Variants in ABCA12 observed in about 807,000 individuals in gnomAD.
ABCA12 encodes the protein ATP binding cassette subfamily A member 12, also known as glucosylceramide transporter ABCA12.
A neutral mutation model predicts 293.5 loss-of-function variants in ABCA12; 156 were observed. That is an observed-to-expected ratio of 0.53 (90% CI 0.47 to 0.61). ABCA12 has a LOEUF of 0.61. Ranked by LOEUF, ABCA12 falls within the 20% of genes least tolerant of loss-of-function variation. The probability of loss-of-function intolerance (pLI) is 0.00; values close to 1 mark genes in which losing one functional copy is unlikely to be tolerated. For missense variants in ABCA12, 2,797 were observed against 3,090.2 expected, an observed-to-expected ratio of 0.91 and a Z score of 2.25; for synonymous variants, 1,063 against 1,108.0, an observed-to-expected ratio of 0.96 and a Z score of 0.81.
chr2:215,011,332 C>A, intron 17 of ABCA12, 107 bp downstream of exon 17: 1 of 854,884 alleles, frequency 1.2e-6, no homozygotes, highest in Non-Finnish European at 1.9e-6. Context: ...TATTTTTATT[C>A]TTGGGGAAAA....
At chr2:215,031,775 T>A in intron 9 of ABCA12, 46 bp downstream of exon 9, 2 of 1,611,744 alleles carry the variant, frequency 1.2e-6, no homozygotes, top group Non-Finnish European at 1.7e-6. Context: ...TTTGATTGTT[T>A]ATTCAGCCAA....
intron 5 of ABCA12, among the ~76,000 whole-genome samples, chr2:215,051,560 T>A (rs1277799047): frequency 6.6e-6 from 1 of 151,018 alleles, no homozygotes; most frequent in African/African-American, 2.4e-5. Flanking sequence ...CATGATCAGA[T>A]AAAAGAAATG....
chr2:215,011,690 C>CAA, intron 16 of ABCA12, 41 bp from the exon 17 acceptor site: 3 of 1,579,490 alleles, frequency 1.9e-6, no homozygotes, highest in Non-Finnish European at 2.6e-6. Context: ...ACTATATGAG[C>CAA]TTTAGAAGCT....
chr2:214,959,604 T>C (rs1489440846), intron 39 of ABCA12, among the ~76,000 whole-genome samples: 1 of 152,138 alleles, frequency 6.6e-6, no homozygotes, highest in Non-Finnish European at 1.5e-5. Context: ...TCTAAGATGC[T>C]TATTTTTCTA....
chr2:215,081,470 C>T (rs1701935526), intron 2 of ABCA12, among the ~76,000 whole-genome samples: 1 of 84,546 alleles, frequency 1.2e-5, no homozygotes, highest in African/African-American at 4.6e-5. Context: ...CAAAGCAAGA[C>T]TCTGTCTCAA....
intron 13 of ABCA12, 123 bp from the exon 14 acceptor site, chr2:215,018,255 T>A (rs904777074): frequency 1.2e-5 from 15 of 1,273,744 alleles, no homozygotes; most frequent in Non-Finnish European, 1.6e-5. Flanking sequence ...GGCAGATGTC[T>A]CCCAGTTTTG....
chr2:215,138,094 G>A, intron 1 of ABCA12, 46 bp downstream of exon 1: 1 of 1,540,342 alleles, frequency 6.5e-7, no homozygotes, highest in Non-Finnish European at 9.0e-7. Context: ...GGATTACCTG[G>A]CGTATTGCCC....
chr2:215,080,197 A>G (rs1477059357), intron 2 of ABCA12, among the ~76,000 whole-genome samples: 1 of 152,180 alleles, frequency 6.6e-6, no homozygotes, highest in East Asian at 1.9e-4. Context: ...ATATACAGTG[A>G]TGAATTCCCT....
At chr2:215,003,961 C>T (rs530018751) in intron 20 of ABCA12, among the ~76,000 whole-genome samples, 1 of 152,306 alleles carries the variant, frequency 6.6e-6, no homozygotes, top group South Asian at 2.1e-4. Context: ...AGCCACCACG[C>T]CTGGCCTACA....
intron 2 of ABCA12, among the ~76,000 whole-genome samples, chr2:215,102,930 T>G (rs1279018755): frequency 2.6e-5 from 4 of 152,314 alleles, no homozygotes; most frequent in Non-Finnish European, 5.9e-5. Context: ...TCATAAGGTT[T>G]TGTATTAATT....
chr2:215,047,023 AT>A (rs1701216959), intron 6 of ABCA12, among the ~76,000 whole-genome samples: 1 of 152,306 alleles, frequency 6.6e-6, no homozygotes, highest in African/African-American at 2.4e-5. Context: ...GAGCTGAACA[AT>A]GAGAACACAT....
In ABCA12 at chr2:215,043,572, TTTGTTG is replaced by T. The variant is rs138336317; in HGVS notation, c.872+2259_872+2264del. Among the ~76,000 whole-genome samples the T allele has an allele frequency of 9.2e-5, 14 of 151,668 alleles. 1 individual carries two copies. The East Asian group carries it at 2.5e-3, about 27-fold the overall frequency. Reference sequence around the variant, plus strand: ...TTAGTAAATATTATTTTGTGGAATTTTTGTTGTTGTTGTTGTTGTTGTTGATTTTTT... The same window carrying T: ...TTAGTAAATATTATTTTGTGGAATTTTTGTTGTTGTTGTTGTTGATTTTTT... On this transcript the variant is annotated intron_variant, in intron 7 of 52. Coordinates refer to ENST00000272895, the MANE Select transcript of ABCA12 (RefSeq NM_173076.3).
chr2:215,075,774 C>A (rs186659137), intron 2 of ABCA12: 8 of 511,500 alleles, frequency 1.6e-5, no homozygotes, highest in East Asian at 6.6e-5. Flanking sequence ...TAACAACTAT[C>A]TTTTCACTTG....
chr2:214,941,360 T>C (rs1698395276), intron 50 of ABCA12, among the ~76,000 whole-genome samples: 1 of 152,164 alleles, frequency 6.6e-6, no homozygotes, highest in Non-Finnish European at 1.5e-5. Flanking sequence ...TTAAGGAGTG[T>C]TTTACTTCCA....
rs1193605029 is a variant in ABCA12, at chr2:214,978,946, A to G, written c.4835T>C (p.Ile1612Thr). The G allele has an allele frequency of 4.3e-6, 7 of 1,614,082 alleles. No homozygotes were observed. In the South Asian group the frequency reaches 5.5e-5, roughly 13 times the overall value. The change falls in exon 32 of 53, where the codon ATT becomes ACT. Residue 1612 changes from isoleucine to threonine, a missense_variant. Physicochemically the swap from Ile to Thr is moderately conservative, Grantham distance 89. Coordinates refer to ENST00000272895, the MANE Select transcript of ABCA12 (RefSeq NM_173076.3). ...AAGTACATAAACAAGCTCTCCCCCA[A>G]TATCCTCCTTGAGGTAGGCTTCGGG... The part of the protein sequence containing the change: ...HLPEAYLKED[I>T]GGELVYVLPP...
At position 215,081,498 on chromosome 2, in the gene ABCA12, A is replaced by AGAAT; in HGVS notation, c.164-17280_164-17279insATTC. Among the ~76,000 whole-genome samples the AGAAT allele has an allele frequency of 1.5e-5, 2 of 136,008 alleles. 1 individual carries two copies. Among genetic ancestry groups the AGAAT allele is most frequent in the South Asian group, 4.7e-4 (2 of 4,296 alleles). 89.2% of individuals were successfully genotyped at this position (136,008 alleles called of 152,430 possible). A position where few individuals can be genotyped will look rare whatever the true frequency, so the allele number is the denominator to read the frequency against. The stretch of plus-strand genomic sequence containing the variant: ...TGTCTCAAAAAAAAAAAAAAGAAAA[A>AGAAT]GAAAAAAGAAAAAGAAAAAAGAAAA... On this transcript the variant is annotated intron_variant, in intron 2 of 52. Coordinates refer to ENST00000272895, the MANE Select transcript of ABCA12 (RefSeq NM_173076.3).
chr2:215,001,838 A>G (rs946902387), intron 20 of ABCA12, 101 bp from the exon 21 acceptor site: 2 of 1,053,958 alleles, frequency 1.9e-6, no homozygotes, highest in East Asian at 2.6e-5. Flanking sequence ...ACTAGATTAT[A>G]AATAACAAAA....
At chr2:215,049,865 C>G in intron 5 of ABCA12, 54 bp from the exon 6 acceptor site, 1 of 1,500,610 alleles carries the variant, frequency 6.7e-7, no homozygotes, top group Non-Finnish European at 9.2e-7. Flanking sequence ...TGTAGATGTT[C>G]AAATATTCTA....
chr2:215,015,707 A>G lies in ABCA12; in HGVS notation c.1783-44T>C, dbSNP rs759352868. On this transcript the variant is annotated intron_variant, in intron 14 of 52. Coordinates refer to ENST00000272895, the MANE Select transcript of ABCA12 (RefSeq NM_173076.3). ...AAATATTTCAACTGTGAATCATTCG[A>G]GAGTCAACTGTTCATTTTGTGAGGT... 1.9e-6 allele frequency: 3 copies of G among 1,574,982 alleles called. No individual in the cohort carries two copies. In the Admixed American group the frequency reaches 5.0e-5, roughly 26 times the overall value.
Sources: gnomAD v4.1 joint callset for allele counts (sites outside exome capture counted in the v4.1 genomes callset) on GRCh38, gnomAD v4.1.1 for gene constraint, MANE v1.5 for transcripts, NCBI Gene and HGNC (gene_info 2026-07-23, HGNC 2026-07-21) for gene names.